Variants in MED12L observed in about 807,000 individuals in gnomAD.
MED12L encodes the protein mediator of RNA polymerase II transcription subunit 12-like protein.
In MED12L, 60 loss-of-function variants were observed where a neutral mutation model predicts 281.3. The observed-to-expected ratio is 0.21, with a 90% CI of 0.17 to 0.26. The LOEUF is 0.26. Among genes scored for constraint, MED12L ranks in the 10% least tolerant of loss-of-function variants. The probability of loss-of-function intolerance (pLI) is 1.00; values close to 1 mark genes in which losing one functional copy is unlikely to be tolerated. For synonymous variants in MED12L, 974 were observed against 987.2 expected (o/e 0.99, Z 0.25); for missense variants, 2,146 against 2,680.9 (o/e 0.80, Z 4.41).
At chr3:151,177,546 C>T (rs1446618736) in intron 11 of MED12L, among the ~76,000 whole-genome samples, 4 of 152,152 alleles carry the variant, frequency 2.6e-5, no homozygotes, top group South Asian at 2.1e-4. Context: ...GTCTCACTGT[C>T]GCCTACAATC....
At chr3:151,222,319 A>G (rs1398129960) in intron 16 of MED12L, among the ~76,000 whole-genome samples, 2 of 152,204 alleles carry the variant, frequency 1.3e-5, no homozygotes, top group African/African-American at 4.8e-5. Context: ...GACTGTTGGA[A>G]GACATGATTG....
chr3:151,177,278 C>T (rs1213182770), intron 11 of MED12L, among the ~76,000 whole-genome samples: 2 of 152,114 alleles, frequency 1.3e-5, no homozygotes, highest in Admixed American at 6.5e-5. Flanking sequence ...AACGGTGATC[C>T]TCCTTTTATA....
chr3:151,204,193 T>TGCTTTG (rs1367730513), intron 16 of MED12L, among the ~76,000 whole-genome samples: 1 of 152,196 alleles, frequency 6.6e-6, no homozygotes, highest in Non-Finnish European at 1.5e-5. Context: ...GCTTGGTAGG[T>TGCTTTG]GCTTTGGTTT....
chr3:151,274,887 G>A (rs1336899264), intron 16 of MED12L, among the ~76,000 whole-genome samples: 1 of 152,164 alleles, frequency 6.6e-6, no homozygotes, highest in Non-Finnish European at 1.5e-5. Flanking sequence ...CTCATTGTAA[G>A]GAATCAGTGT....
Position 151,372,674 on chromosome 3 carries a change from C to G in MED12L, c.3772C>G (p.Gln1258Glu), listed in dbSNP as rs747731337. 4 of 1,613,830 alleles carry G rather than the reference C, an allele frequency of 2.5e-6. No homozygotes were observed. Among genetic ancestry groups the G allele is most frequent in the South Asian group, 1.1e-5 (1 of 91,090 alleles). ...TGCTGATGATATCTGGACTGCCTCA[C>G]AAAATCCAAAATCCTGTGGGAAAAG... ...GNADDIWTAS[Q>E]NPKSCGKSIS... The change falls in exon 27 of 45, where the codon CAA becomes GAA. Residue 1258 changes from glutamine (Q) to glutamate (E), a missense_variant. Physicochemically the swap from Gln to Glu is conservative, Grantham distance 29 (BLOSUM62 2). Coordinates refer to ENST00000687756, the MANE Select transcript of MED12L (RefSeq NM_001393769.1).
chr3:151,416,559 G>C, intron 43 of MED12L, 137 bp downstream of exon 43: 4 of 783,038 alleles, frequency 5.1e-6, no homozygotes, highest in South Asian at 3.6e-5. Flanking sequence ...CTTTACTAGA[G>C]TTTTATTGTC....
intron 5 of MED12L, among the ~76,000 whole-genome samples, chr3:151,141,180 T>TTTTTTG (rs1352233347): frequency 3.8e-4 from 45 of 119,288 alleles, no homozygotes; most frequent in African/African-American, 6.0e-4. Context: ...TTTTTTTTGT[T>TTTTTTG]TTTTTTGTTT....
chr3:151,150,137 C>A (rs1330530228), intron 5 of MED12L, among the ~76,000 whole-genome samples: 1 of 152,140 alleles, frequency 6.6e-6, no homozygotes, highest in Non-Finnish European at 1.5e-5. Context: ...TTACTGTGCC[C>A]AGATCCTTCA....
chr3:151,383,143 CAA>C (rs1217920336), intron 33 of MED12L, among the ~76,000 whole-genome samples: 2 of 152,314 alleles, frequency 1.3e-5, no homozygotes, highest in African/African-American at 4.8e-5. Flanking sequence ...ATTATAAAGA[CAA>C]ATCCCACAGA....
At chr3:151,349,930 T>C in intron 16 of MED12L, 129 bp from the exon 17 acceptor site, 1 of 673,288 alleles carries the variant, frequency 1.5e-6, no homozygotes, top group South Asian at 3.0e-5. Flanking sequence ...TTGAGGTGAA[T>C]TGAAGGGAGG....
intron 16 of MED12L, among the ~76,000 whole-genome samples, chr3:151,243,772 A>C (rs1422635617): frequency 6.6e-6 from 1 of 151,818 alleles, no homozygotes; most frequent in African/African-American, 2.4e-5. Context: ...AACAATATTA[A>C]CTTTAAATGT....
At chr3:151,279,723 T>C (rs147603394) in intron 16 of MED12L, among the ~76,000 whole-genome samples, 2 of 152,356 alleles carry the variant, frequency 1.3e-5, no homozygotes, top group East Asian at 1.9e-4. Context: ...GAGGAGCCGC[T>C]AGAGCCTGGT....
In MED12L at chr3:151,206,745, C is replaced by T. The variant is rs563795607; in HGVS notation, c.2250+13079C>T. ...CTGCAAGATCCGTCTCCCAGGTTCA[C>T]GCCGTTCTCCTGCCTCAGCCTCCCG... On this transcript the variant is annotated intron_variant, in intron 16 of 44. Transcript: ENST00000687756. Among the ~76,000 whole-genome samples, 5 of 144,628 alleles carry T rather than the reference C, an allele frequency of 3.5e-5. No homozygotes were observed. In the East Asian group the frequency reaches 6.5e-4, roughly 19 times the overall value. The allele number at this position is 144,628 out of a possible 152,430, so 94.9% of individuals were successfully genotyped here. A position where few individuals can be genotyped will look rare whatever the true frequency, so the allele number is the denominator to read the frequency against.
intron 2 of MED12L, among the ~76,000 whole-genome samples, chr3:151,090,840 G>A (rs758360515): frequency 5.3e-5 from 8 of 152,140 alleles, no homozygotes; most frequent in Non-Finnish European, 1.2e-4. Flanking sequence ...AGGAGTTCGA[G>A]ACCAGCCTTA....
intron 38 of MED12L, among the ~76,000 whole-genome samples, chr3:151,392,211 C>T (rs1397166937): frequency 2.0e-5 from 3 of 151,830 alleles, no homozygotes; most frequent in Non-Finnish European, 4.4e-5. Flanking sequence ...CACCTGTAAT[C>T]CCAGCACTTT....
chr3:151,100,068 C>T (rs1338833727), intron 2 of MED12L, among the ~76,000 whole-genome samples: 1 of 152,190 alleles, frequency 6.6e-6, no homozygotes, highest in East Asian at 1.9e-4. Flanking sequence ...CTTTATCAGT[C>T]TGAGCGAGGC....
chr3:151,324,151 C>G (rs1037260602), intron 16 of MED12L, among the ~76,000 whole-genome samples: 18 of 152,198 alleles, frequency 1.2e-4, no homozygotes, highest in Non-Finnish European at 2.2e-4. Flanking sequence ...TTACTTTGTG[C>G]TTCAGTTTTG....
chr3:151,088,302 T>C (rs1560032666), intron 2 of MED12L, among the ~76,000 whole-genome samples: 1 of 152,168 alleles, frequency 6.6e-6, no homozygotes, highest in Non-Finnish European at 1.5e-5. Context: ...CTTTACAGGA[T>C]GGTAGAGGTT....
chr3:151,115,246 C>T (rs1383354938), intron 2 of MED12L, among the ~76,000 whole-genome samples: 1 of 148,338 alleles, frequency 6.7e-6, no homozygotes, highest in Admixed American at 6.8e-5. Flanking sequence ...GGTGAGCCAG[C>T]TTTCTTAAAC....
Sources: gnomAD v4.1 joint callset for allele counts (sites outside exome capture counted in the v4.1 genomes callset) on GRCh38, gnomAD v4.1.1 for gene constraint, MANE v1.5 for transcripts, NCBI Gene and HGNC (gene_info 2026-07-23, HGNC 2026-07-21) for gene names.